ARHGAP12: variants seen among roughly 807,000 people sequenced by gnomAD.
ARHGAP12 encodes rho GTPase-activating protein 12.
Under a neutral mutation model 108.6 loss-of-function variants are expected in ARHGAP12, and 64 were observed. The ratio of observed to expected loss-of-function variants is 0.59; its 90% CI spans 0.48 to 0.73. The LOEUF is 0.73. Among genes scored for constraint, ARHGAP12 ranks in the 30% least tolerant of loss-of-function variants. ARHGAP12 has a pLI of 0.00. For synonymous variants in ARHGAP12, 312 were observed against 337.2 expected (o/e 0.93, Z 0.82); for missense variants, 940 against 1,005.9 (o/e 0.93, Z 0.89).
intron 10 of ARHGAP12, among the ~76,000 whole-genome samples, chr10:31,827,972 A>C (rs934385997): frequency 6.6e-6 from 1 of 152,100 alleles, no homozygotes; most frequent in African/African-American, 2.4e-5. Context: ...TAGTGAAATA[A>C]AGTTAATTAC....
chr10:31,832,215 C>T lies in ARHGAP12; in HGVS notation c.1387-415G>A, dbSNP rs116015750. Among the ~76,000 whole-genome samples, 1,433 of 152,280 alleles carry T rather than the reference C, an allele frequency of 9.4e-3. 31 individuals are homozygous for T. Among genetic ancestry groups the T allele is most frequent in the African/African-American group, 0.032 (1,347 of 41,560 alleles). ...TATAATCTGAAAATTATTCAATATACTAACTCACTTTGTCAAAATGTAAAA... is the reference window on the plus strand; with the variant it reads ...TATAATCTGAAAATTATTCAATATATTAACTCACTTTGTCAAAATGTAAAA... On this transcript the variant is annotated intron_variant, in intron 9 of 19. Coordinates refer to ENST00000344936, the MANE Select transcript of ARHGAP12 (RefSeq NM_018287.7).
intron 9 of ARHGAP12, among the ~76,000 whole-genome samples, chr10:31,832,991 G>A (rs746524551): frequency 1.3e-4 from 20 of 151,730 alleles, no homozygotes; most frequent in Non-Finnish European, 2.2e-4. Context: ...GATATTTTTC[G>A]TAAGAACTAT....
intron 3 of ARHGAP12, among the ~76,000 whole-genome samples, chr10:31,863,138 T>C (rs983157798): frequency 6.6e-6 from 1 of 152,238 alleles, no homozygotes; most frequent in Non-Finnish European, 1.5e-5. Flanking sequence ...CTATATTCAA[T>C]GATGCAAATT....
chr10:31,862,813 T>C (rs1224382173), intron 3 of ARHGAP12, among the ~76,000 whole-genome samples: 3 of 151,936 alleles, frequency 2.0e-5, no homozygotes, highest in African/African-American at 7.3e-5. Context: ...GGGGCAAAAC[T>C]GGCCCTAGTT....
At chr10:31,904,609 G>A (rs1839052433) in intron 3 of ARHGAP12, among the ~76,000 whole-genome samples, 1 of 152,060 alleles carries the variant, frequency 6.6e-6, no homozygotes, top group Non-Finnish European at 1.5e-5. Flanking sequence ...TGGATAGAGG[G>A]TACAAGAGAC....
At chr10:31,821,828 T>C (rs1339246500) in intron 11 of ARHGAP12, among the ~76,000 whole-genome samples, 2 of 152,212 alleles carry the variant, frequency 1.3e-5, no homozygotes, top group East Asian at 3.8e-4. Flanking sequence ...AGTCTTTGCC[T>C]GAAGTACCAT....
intron 1 of ARHGAP12, among the ~76,000 whole-genome samples, chr10:31,924,095 T>G (rs1203939829): frequency 6.6e-6 from 1 of 152,246 alleles, no homozygotes; most frequent in Non-Finnish European, 1.5e-5. Flanking sequence ...ATTCTCTTCA[T>G]TGCTGGTGGA....
chr10:31,866,207 G>C (rs1837315912), intron 3 of ARHGAP12, among the ~76,000 whole-genome samples: 1 of 152,196 alleles, frequency 6.6e-6, no homozygotes, highest in African/African-American at 2.4e-5. Flanking sequence ...AATTTCAAAA[G>C]AAGGGAAACT....
intron 3 of ARHGAP12, among the ~76,000 whole-genome samples, chr10:31,885,202 CAACAAA>C (rs1838146323): frequency 6.6e-6 from 1 of 152,114 alleles, no homozygotes; most frequent in Non-Finnish European, 1.5e-5. Flanking sequence ...CAAACAAGAG[CAACAAA>C]ATTTTAATGT....
chr10:31,893,162 T>G (rs1209483146), intron 3 of ARHGAP12, among the ~76,000 whole-genome samples: 1 of 152,088 alleles, frequency 6.6e-6, no homozygotes, highest in African/African-American at 2.4e-5. Flanking sequence ...AGATCTAAAA[T>G]TGACACCCTA....
chr10:31,920,068 T>G (rs1209115934), intron 1 of ARHGAP12, among the ~76,000 whole-genome samples: 1 of 148,618 alleles, frequency 6.7e-6, no homozygotes, highest in African/African-American at 2.5e-5. Context: ...ATCGCGCAAC[T>G]GCACTCCAGC....
intron 6 of ARHGAP12, among the ~76,000 whole-genome samples, chr10:31,845,803 A>G (rs1836439246): frequency 6.6e-6 from 1 of 152,118 alleles, no homozygotes; most frequent in Non-Finnish European, 1.5e-5. Flanking sequence ...AAAGAAAGAA[A>G]GAATAGTGAT....
In ARHGAP12 at chr10:31,820,378, AT is replaced by A; in HGVS notation, c.1632+8del. ...TAGAATGTGTTATACTTAGAAAAAAATGTATTACCTCAAATACATTCTTTTT... is the reference window on the plus strand; with the variant it reads ...TAGAATGTGTTATACTTAGAAAAAAAGTATTACCTCAAATACATTCTTTTT... On this transcript the variant is annotated splice_region_variant and intron_variant, in intron 12 of 19. Coordinates refer to ENST00000344936, the MANE Select transcript of ARHGAP12 (RefSeq NM_018287.7). The A allele has an allele frequency of 6.3e-7, 1 of 1,592,412 alleles. No individual in the cohort carries two copies. Among genetic ancestry groups the A allele is most frequent in the Non-Finnish European group, 8.5e-7 (1 of 1,170,012 alleles).
chr10:31,852,726 ATTCTTTT>A, intron 5 of ARHGAP12, 129 bp from the exon 6 acceptor site: 1 of 519,280 alleles, frequency 1.9e-6, no homozygotes, highest in Non-Finnish European at 3.2e-6. Flanking sequence ...GCAACAAAAA[ATTCTTTT>A]TTTTTTTTTT....
intron 3 of ARHGAP12, among the ~76,000 whole-genome samples, chr10:31,890,473 A>T (rs1174639217): frequency 6.6e-6 from 1 of 152,230 alleles, no homozygotes; most frequent in Non-Finnish European, 1.5e-5. Flanking sequence ...AAGAAGACTG[A>T]GCCCCTAAAT....
intron 1 of ARHGAP12, among the ~76,000 whole-genome samples, chr10:31,916,824 C>T (rs1457693919): frequency 6.6e-6 from 1 of 151,926 alleles, no homozygotes; most frequent in African/African-American, 2.4e-5. Context: ...ACCATGTTGG[C>T]CAGGCTGGTC....
intron 3 of ARHGAP12, among the ~76,000 whole-genome samples, chr10:31,896,048 T>C (rs969405947): frequency 1.3e-5 from 2 of 151,740 alleles, no homozygotes; most frequent in Admixed American, 6.6e-5. Context: ...ATGAGAACAC[T>C]TGGACACAGG....
At chr10:31,843,410 T>C (rs1415939054) in intron 7 of ARHGAP12, 51 bp downstream of exon 7, 1 of 1,537,046 alleles carries the variant, frequency 6.5e-7, no homozygotes, top group Admixed American at 2.1e-5. Context: ...TAGTTACAAT[T>C]CACTGTACAA....
At chr10:31,886,327 C>T (rs1003842615) in intron 3 of ARHGAP12, among the ~76,000 whole-genome samples, 1 of 152,144 alleles carries the variant, frequency 6.6e-6, no homozygotes, top group Non-Finnish European at 1.5e-5. Context: ...ATATTTTCCA[C>T]AGCTACTCTC....
Sources: gnomAD v4.1 joint callset for allele counts (sites outside exome capture counted in the v4.1 genomes callset) on GRCh38, gnomAD v4.1.1 for gene constraint, MANE v1.5 for transcripts, NCBI Gene and HGNC (gene_info 2026-07-23, HGNC 2026-07-21) for gene names.